The following DYM variants were observed in gnomAD, a reference collection of about 807,000 sequenced individuals.
The protein encoded by DYM is dymeclin.
In DYM, 78 loss-of-function variants were observed where a neutral mutation model predicts 93.1. That is an observed-to-expected ratio of 0.84 (90% CI 0.70 to 1.01). The LOEUF (loss-of-function observed/expected upper bound fraction) is 1.01. Ranked by LOEUF, DYM falls within the 50% of genes least tolerant of loss-of-function variation. DYM has a pLI of 0.00. For synonymous variants in DYM, 321 were observed against 319.7 expected, an observed-to-expected ratio of 1.00 and a Z score of -0.04; for missense variants, 789 against 845.0, an observed-to-expected ratio of 0.93 and a Z score of 0.82.
chr18:49,049,745 A>C (rs556382233), intron 17 of DYM: 1 of 154,504 alleles, frequency 6.5e-6, no homozygotes, highest in South Asian at 2.0e-4. Context: ...GTCATAGCGA[A>C]GTCTAGTCTT....
intron 16 of DYM, among the ~76,000 whole-genome samples, chr18:49,107,404 C>CT (rs1208918415): frequency 1.3e-5 from 2 of 152,222 alleles, no homozygotes; most frequent in Non-Finnish European, 2.9e-5. Flanking sequence ...CTTCTCTCAA[C>CT]TCTTCAAAGT....
At chr18:49,209,842 A>T in intron 13 of DYM, 127 bp from the exon 14 acceptor site, 1 of 521,116 alleles carries the variant, frequency 1.9e-6, no homozygotes, top group Non-Finnish European at 2.7e-6. Flanking sequence ...AAAAAAAAAA[A>T]CTGTCAGAAT....
chr18:49,352,097 T>C (rs779248449), intron 6 of DYM, among the ~76,000 whole-genome samples: 3 of 152,198 alleles, frequency 2.0e-5, no homozygotes, highest in Non-Finnish European at 4.4e-5. Context: ...GAAAACATAC[T>C]AAGTAAAACA....
intron 14 of DYM, among the ~76,000 whole-genome samples, chr18:49,182,913 A>G (rs1056119602): frequency 6.6e-6 from 1 of 152,166 alleles, no homozygotes; most frequent in African/African-American, 2.4e-5. Context: ...GCAGAAGGGT[A>G]AATCCAGTCT....
chr18:49,240,389 TA>T lies in DYM; in HGVS notation c.1460+16620del, dbSNP rs376035172. Among the ~76,000 whole-genome samples the T allele has an allele frequency of 1.3e-4, 20 of 152,330 alleles. No homozygotes were observed. The South Asian group carries it at 4.1e-3, about 32-fold the overall frequency. On this transcript the variant is annotated intron_variant, in intron 13 of 17. Transcript: ENST00000675505. ...AATATTAAATATTTACTAATTCATT[TA>T]AATTTAATAATAAACACATTACATG... is the stretch of plus-strand genomic sequence containing the variant.
chr18:49,407,916 A>G (rs1370958929), intron 2 of DYM, among the ~76,000 whole-genome samples: 1 of 152,176 alleles, frequency 6.6e-6, no homozygotes. Flanking sequence ...ATCCATTTAA[A>G]TTATTTCCAA....
chr18:49,190,362 A>C (rs1387536275), intron 14 of DYM, among the ~76,000 whole-genome samples: 1 of 152,222 alleles, frequency 6.6e-6, no homozygotes, highest in Non-Finnish European at 1.5e-5. Flanking sequence ...GCTATCTTTA[A>C]AAGTGATTTT....
intron 15 of DYM, among the ~76,000 whole-genome samples, chr18:49,137,382 A>G (rs558514230): frequency 1.3e-5 from 2 of 152,318 alleles, no homozygotes; most frequent in Admixed American, 6.5e-5. Flanking sequence ...TAATCACCTC[A>G]GAGTTTGAGC....
intron 14 of DYM, among the ~76,000 whole-genome samples, chr18:49,175,688 A>G (rs775384845): frequency 5.3e-5 from 8 of 152,188 alleles, no homozygotes; most frequent in Non-Finnish European, 8.8e-5. Context: ...TCTTGTGACT[A>G]GCAGTACACA....
chr18:49,101,233 T>C (rs1420619057), intron 16 of DYM, among the ~76,000 whole-genome samples: 3 of 152,186 alleles, frequency 2.0e-5, no homozygotes, highest in African/African-American at 4.8e-5. Flanking sequence ...AAACCTTTAG[T>C]GAAAGTGGGG....
intron 14 of DYM, among the ~76,000 whole-genome samples, chr18:49,207,009 C>T (rs2092551435): frequency 6.6e-6 from 1 of 152,224 alleles, no homozygotes; most frequent in Admixed American, 6.5e-5. Context: ...ACTGCTTTCA[C>T]CACATGGTGT....
chr18:49,388,404 G>T (rs2068843092), intron 3 of DYM, among the ~76,000 whole-genome samples: 1 of 151,808 alleles, frequency 6.6e-6, no homozygotes. Context: ...CTCATTGAAG[G>T]TCAGAGAGAA....
At chr18:49,337,031 T>C (rs73445721) in intron 6 of DYM, among the ~76,000 whole-genome samples, 6,435 of 152,266 alleles carry the variant, frequency 0.042, 435 homozygotes, top group African/African-American at 0.14. Context: ...AATGGATAAA[T>C]AAATGGAAAG....
At chr18:49,361,194 G>T (rs1419871421) in intron 6 of DYM, among the ~76,000 whole-genome samples, 1 of 152,180 alleles carries the variant, frequency 6.6e-6, no homozygotes, top group Non-Finnish European at 1.5e-5. Flanking sequence ...CGGTTGAATG[G>T]GAAATTGTCC....
chr18:49,066,686 T>A (rs1296593438), intron 17 of DYM, among the ~76,000 whole-genome samples: 1 of 152,246 alleles, frequency 6.6e-6, no homozygotes, highest in Non-Finnish European at 1.5e-5. Flanking sequence ...GCCAAACTGG[T>A]TTCCAAAGTA....
At chr18:49,272,782 T>G (rs2094741663) in intron 10 of DYM, among the ~76,000 whole-genome samples, 2 of 152,116 alleles carry the variant, frequency 1.3e-5, no homozygotes, top group Non-Finnish European at 2.9e-5. Context: ...CAAGGTGCAT[T>G]TTCTCAACAT....
rs2143942229 is a variant in DYM at position 49,037,768 on chromosome 18, T to C, written c.*6287A>G. 6.6e-6 allele frequency among the ~76,000 whole-genome samples: 1 copy of C among 152,334 alleles called. No individual in the cohort carries two copies. The highest frequency in any genetic ancestry group is 1.9e-4 in the East Asian group (1 of 5,188). ...TATAAAATTATCTTTTTGTAAATAA[T>C]TAGTCTTGATTCTATTATGGTCAGA... On this transcript the variant is annotated 3_prime_UTR_variant, in exon 18 of 18. Coordinates refer to ENST00000675505, the MANE Select transcript of DYM (RefSeq NM_001353214.3).
chr18:49,276,714 C>T (rs971588822), intron 10 of DYM, among the ~76,000 whole-genome samples: 2 of 152,010 alleles, frequency 1.3e-5, no homozygotes, highest in African/African-American at 2.4e-5. Context: ...TTGTTAGCCA[C>T]GTTAAGAGTA....
chr18:49,354,660 G>A (rs1211724256), intron 6 of DYM, among the ~76,000 whole-genome samples: 1 of 152,012 alleles, frequency 6.6e-6, no homozygotes, highest in African/African-American at 2.4e-5. Context: ...TACACAGATG[G>A]CACAAGCATA....
Sources: gnomAD v4.1 joint callset for allele counts (sites outside exome capture counted in the v4.1 genomes callset) on GRCh38, gnomAD v4.1.1 for gene constraint, MANE v1.5 for transcripts, NCBI Gene and HGNC (gene_info 2026-07-23, HGNC 2026-07-21) for gene names.